ASAP1: variants seen among roughly 807,000 people sequenced by gnomAD.
ASAP1 encodes ArfGAP with SH3 domain, ankyrin repeat and PH domain 1, also known as arf-GAP with SH3 domain, ANK repeat and PH domain-containing protein 1.
A neutral mutation model predicts 145.2 loss-of-function variants in ASAP1; 43 were observed. The ratio of observed to expected loss-of-function variants is 0.30; its 90% CI spans 0.23 to 0.38. The LOEUF (loss-of-function observed/expected upper bound fraction) is 0.38, where lower values mean the gene tolerates loss of function less well. ASAP1 is among the 10% of genes least tolerant of loss of function. ASAP1 has a pLI of 1.00. For missense variants in ASAP1, 1,018 were observed against 1,355.3 expected, an observed-to-expected ratio of 0.75 and a Z score of 3.91; for synonymous variants, 546 against 515.5, an observed-to-expected ratio of 1.06 and a Z score of -0.80.
At chr8:130,058,212 G>A (rs527872366) in intron 28 of ASAP1, 136 bp from the exon 29 acceptor site, 29 of 914,610 alleles carry the variant, frequency 3.2e-5, no homozygotes, top group East Asian at 1.8e-4. Flanking sequence ...CTTGAAGGGC[G>A]GGAAGAAGAG....
chr8:130,108,761 T>G (rs1049909536), intron 24 of ASAP1, among the ~76,000 whole-genome samples: 1 of 42,890 alleles, frequency 2.3e-5, no homozygotes, highest in Non-Finnish European at 5.1e-5. Context: ...AAACCAGTTT[T>G]TTTTTTTTTT....
chr8:130,297,801 G>A (rs1047373785), intron 3 of ASAP1, among the ~76,000 whole-genome samples: 2 of 152,228 alleles, frequency 1.3e-5, no homozygotes, highest in South Asian at 4.1e-4. Flanking sequence ...TGCCTTAAAG[G>A]AAGGGTGCAC....
chr8:130,213,797 G>T (rs1283552416), intron 5 of ASAP1, among the ~76,000 whole-genome samples: 6 of 152,168 alleles, frequency 3.9e-5, no homozygotes, highest in Non-Finnish European at 8.8e-5. Flanking sequence ...AAATCCAAAT[G>T]ATCCGTCCAG....
At chr8:130,370,023 G>A (rs537934912) in intron 2 of ASAP1, among the ~76,000 whole-genome samples, 7 of 152,270 alleles carry the variant, frequency 4.6e-5, no homozygotes, top group South Asian at 4.2e-4. Flanking sequence ...ACCCCAGGCC[G>A]GGCACAGTGG....
intron 3 of ASAP1, among the ~76,000 whole-genome samples, chr8:130,267,677 G>A (rs1357177811): frequency 4.6e-5 from 7 of 152,168 alleles, no homozygotes; most frequent in African/African-American, 1.2e-4. Context: ...TCTACCCTAT[G>A]CTTATAAAAG....
intron 3 of ASAP1, among the ~76,000 whole-genome samples, chr8:130,347,704 T>A (rs1258415229): frequency 1.3e-5 from 2 of 152,162 alleles, no homozygotes; most frequent in East Asian, 3.9e-4. Context: ...CTGACCCAAG[T>A]GGAGCCAATC....
At chr8:130,371,942 C>T (rs962991397) in intron 2 of ASAP1, among the ~76,000 whole-genome samples, 2 of 152,192 alleles carry the variant, frequency 1.3e-5, no homozygotes, top group Admixed American at 1.3e-4. Context: ...TATATGAAAA[C>T]GGCTTATCTC....
rs1442975797 is a variant in ASAP1 at position 130,072,833 on chromosome 8, G to GT, written c.2701+3514_2701+3515insA. Among the ~76,000 whole-genome samples the GT allele has an allele frequency of 5.7e-3, 742 of 129,926 alleles. 45 individuals carry two copies. The highest frequency in any genetic ancestry group is 0.018 in the African/African-American group (712 of 38,604). 85.2% of individuals were successfully genotyped at this position (129,926 alleles called of 152,430 possible). A position where few individuals can be genotyped will look rare whatever the true frequency, so the allele number is the denominator to read the frequency against. ...TGTGTGTGTGTGTGTGTGCGCGCGGGGGGGGGCAGTTTTGGGGACTGAGCT... is the reference window on the plus strand; with the variant it reads ...TGTGTGTGTGTGTGTGTGCGCGCGGGTGGGGGGCAGTTTTGGGGACTGAGCT... On this transcript the variant is annotated intron_variant, in intron 27 of 29. Transcript: ENST00000518721.
intron 27 of ASAP1, among the ~76,000 whole-genome samples, chr8:130,071,756 G>A (rs1159841388): frequency 1.3e-5 from 2 of 152,168 alleles, no homozygotes; most frequent in African/African-American, 4.8e-5. Context: ...ATATTGAGAG[G>A]AAACCTGCAA....
At chr8:130,331,222 G>A (rs1488855851) in intron 3 of ASAP1, among the ~76,000 whole-genome samples, 1 of 152,202 alleles carries the variant, frequency 6.6e-6, no homozygotes, top group African/African-American at 2.4e-5. Context: ...AGAGCGAGTA[G>A]GGCCCTATTA....
At chr8:130,057,624 A>G (rs951440629) in intron 29 of ASAP1, among the ~76,000 whole-genome samples, 14 of 151,834 alleles carry the variant, frequency 9.2e-5, no homozygotes. Context: ...AATTTTTTGT[A>G]TTTTTAGTAG....
At position 130,401,746 on chromosome 8, in the gene ASAP1, C is replaced by T. The variant is rs1828805916; in HGVS notation, c.59+139G>A. 3 of 721,584 alleles carry T rather than the reference C, an allele frequency of 4.2e-6. No individual in the cohort carries two copies. In the South Asian group the frequency reaches 6.1e-5, roughly 15 times the overall value. 44.7% of individuals were successfully genotyped at this position (721,584 alleles called of 1,614,324 possible). On this transcript the variant is annotated intron_variant, in intron 2 of 29. Coordinates refer to ENST00000518721, the MANE Select transcript of ASAP1 (RefSeq NM_018482.4). Reference sequence around the variant, plus strand: ...GTACAAATGCTAGAGATCTGTTCTCCAATAACAATCGTGCACACAGTCTCT... The same window carrying T: ...GTACAAATGCTAGAGATCTGTTCTCTAATAACAATCGTGCACACAGTCTCT...
intron 14 of ASAP1, among the ~76,000 whole-genome samples, chr8:130,136,468 A>C (rs754268930): frequency 1.3e-5 from 2 of 152,154 alleles, no homozygotes; most frequent in Non-Finnish European, 2.9e-5. Flanking sequence ...AACTCTGGGC[A>C]AATTCGTTGT....
intron 4 of ASAP1, among the ~76,000 whole-genome samples, chr8:130,223,094 T>C (rs140123391): frequency 1.3e-5 from 2 of 152,310 alleles, no homozygotes; most frequent in Non-Finnish European, 2.9e-5. Context: ...ATAATTAATA[T>C]AAAAGCTCTT....
intron 24 of ASAP1, among the ~76,000 whole-genome samples, chr8:130,101,143 T>C (rs1033995068): frequency 6.6e-6 from 1 of 152,212 alleles, no homozygotes; most frequent in African/African-American, 2.4e-5. Context: ...GTCTATGCAT[T>C]TGTTTTTACA....
chr8:130,313,439 G>C (rs1005608918), intron 3 of ASAP1, among the ~76,000 whole-genome samples: 4 of 152,102 alleles, frequency 2.6e-5, no homozygotes, highest in African/African-American at 9.7e-5. Context: ...CTATTTTGCT[G>C]TGCAATAATA....
At chr8:130,354,855 C>T (rs1227465891) in intron 3 of ASAP1, among the ~76,000 whole-genome samples, 2 of 152,162 alleles carry the variant, frequency 1.3e-5, no homozygotes, top group Non-Finnish European at 2.9e-5. Context: ...AGGTAAAGCC[C>T]AGAAGTAAAC....
intron 5 of ASAP1, among the ~76,000 whole-genome samples, chr8:130,196,805 G>C (rs1007665185): frequency 9.2e-5 from 14 of 152,334 alleles, no homozygotes; most frequent in South Asian, 6.2e-4. Context: ...CCAGCTCCCA[G>C]TAGTTAAGTC....
chr8:130,259,738 T>C (rs1016427427), intron 3 of ASAP1, among the ~76,000 whole-genome samples: 3 of 152,190 alleles, frequency 2.0e-5, no homozygotes, highest in African/African-American at 4.8e-5. Flanking sequence ...GGGGCGACAG[T>C]GTGTGCAATT....
Sources: allele counts gnomAD v4.1 joint callset (sites outside exome capture counted in the v4.1 genomes callset), GRCh38; gene constraint gnomAD v4.1.1; transcripts MANE v1.5; gene names NCBI Gene and HGNC (gene_info 2026-07-23, HGNC 2026-07-21).